Variants in CLDN16 observed in about 807,000 individuals in gnomAD.
CLDN16 encodes claudin-16.
CLDN16 carries 13 observed loss-of-function variants against 24.6 expected under a neutral mutation model. The ratio of observed to expected loss-of-function variants is 0.53; its 90% CI spans 0.34 to 0.84. CLDN16 has a LOEUF of 0.84. Among genes scored for constraint, CLDN16 ranks in the 40% least tolerant of loss-of-function variants. The pLI, the probability that CLDN16 is intolerant of heterozygous loss-of-function variation, is 0.01. For synonymous variants in CLDN16, 116 were observed against 106.7 expected, an observed-to-expected ratio of 1.09 and a Z score of -0.54; for missense variants, 298 against 292.7, an observed-to-expected ratio of 1.02 and a Z score of -0.13.
intron 1 of CLDN16, among the ~76,000 whole-genome samples, chr3:190,369,047 C>G (rs1718081263): frequency 6.6e-6 from 1 of 151,926 alleles, no homozygotes; most frequent in South Asian, 2.1e-4. Flanking sequence ...AGTCATAGAT[C>G]TTAACCTGAT....
chr3:190,301,826 T>A, the CLDN16 span, among the ~76,000 whole-genome samples: 1 of 152,194 alleles, frequency 6.6e-6, no homozygotes, highest in East Asian at 1.9e-4. Context: ...TATGAACTCA[T>A]TGCTTCCCTC....
At chr3:190,305,973 T>G in the CLDN16 span, 1 of 152,220 alleles carries the variant, frequency 6.6e-6, no homozygotes. Flanking sequence ...ATTTAAATTT[T>G]AACTTCCAAA....
intron 3 of CLDN16, among the ~76,000 whole-genome samples, chr3:190,406,809 T>A (rs1000469763): frequency 6.8e-6 from 1 of 147,816 alleles, no homozygotes; most frequent in African/African-American, 2.5e-5. Flanking sequence ...TGGCGTGATC[T>A]CGGCTCACTG....
chr3:190,336,509 A>G (rs1717309304), intron 1 of CLDN16, among the ~76,000 whole-genome samples: 1 of 152,232 alleles, frequency 6.6e-6, no homozygotes, highest in Non-Finnish European at 1.5e-5. Context: ...GAATACTACA[A>G]TGAATGATTT....
chr3:190,324,341 G>A (rs937902254), intron 1 of CLDN16, among the ~76,000 whole-genome samples: 1 of 151,998 alleles, frequency 6.6e-6, no homozygotes, highest in African/African-American at 2.4e-5. Context: ...AAATTAGCCG[G>A]GCATGGTGGT....
At chr3:190,314,359 A>G in the CLDN16 span, among the ~76,000 whole-genome samples, 4 of 152,160 alleles carry the variant, frequency 2.6e-5, no homozygotes, top group South Asian at 2.1e-4. Flanking sequence ...TGTCTTTGCT[A>G]TAACCAGGCA....
chr3:190,387,298 C>T (rs929787496), upstream of CLDN16, among the ~76,000 whole-genome samples: 3 of 151,996 alleles, frequency 2.0e-5, no homozygotes, highest in African/African-American at 4.8e-5. Context: ...ATTCCAGTTG[C>T]CCCAGTTACA....
chr3:190,361,374 G>A (rs1367780560), intron 1 of CLDN16, among the ~76,000 whole-genome samples: 5 of 151,970 alleles, frequency 3.3e-5, no homozygotes, highest in African/African-American at 1.2e-4. Flanking sequence ...CCTTTAACCT[G>A]TAAGCTGTTC....
chr3:190,365,047 C>A (rs1717990960), intron 1 of CLDN16, among the ~76,000 whole-genome samples: 1 of 151,754 alleles, frequency 6.6e-6, no homozygotes, highest in African/African-American at 2.4e-5. Flanking sequence ...CCTGTTTATC[C>A]ATCCTTAATT....
chr3:190,388,878 A>G (rs1057242420), intron 1 of CLDN16, among the ~76,000 whole-genome samples: 3 of 152,184 alleles, frequency 2.0e-5, no homozygotes, highest in Non-Finnish European at 4.4e-5. Flanking sequence ...TTAATAATCT[A>G]AAACGTTGAG....
chr3:190,394,961 T>C (rs1000586829), intron 1 of CLDN16, among the ~76,000 whole-genome samples: 48 of 152,138 alleles, frequency 3.2e-4, no homozygotes, highest in African/African-American at 1.1e-3. Flanking sequence ...TGTGGCTTTT[T>C]GCTTAGTGCT....
the CLDN16 span, among the ~76,000 whole-genome samples, chr3:190,291,076 C>T: frequency 0.36 from 54,401 of 151,826 alleles, 10,493 homozygotes; most frequent in East Asian, 0.62. Flanking sequence ...GAATGCTATG[C>T]GGAACCATAG....
chr3:190,313,945 T>C, the CLDN16 span, among the ~76,000 whole-genome samples: 1 of 152,186 alleles, frequency 6.6e-6, no homozygotes, highest in Non-Finnish European at 1.5e-5. Context: ...ACTGAAACTA[T>C]GCTGGTTAGA....
intron 1 of CLDN16, among the ~76,000 whole-genome samples, chr3:190,328,464 A>G (rs1717116453): frequency 6.6e-6 from 1 of 152,200 alleles, no homozygotes; most frequent in Non-Finnish European, 1.5e-5. Context: ...TGTGAGGAGT[A>G]AATAAAATTG....
At chr3:190,340,521 C>T (rs532262459) in intron 1 of CLDN16, among the ~76,000 whole-genome samples, 1 of 152,238 alleles carries the variant, frequency 6.6e-6, no homozygotes, top group Non-Finnish European at 1.5e-5. Context: ...AGACCTCCCA[C>T]CCATGATTCA....
At chr3:190,306,839 A>G in the CLDN16 span, 1 of 152,764 alleles carries the variant, frequency 6.5e-6, no homozygotes, top group Non-Finnish European at 1.5e-5. Flanking sequence ...ACATGAAGGT[A>G]TGTGCGTAGG....
chr3:190,355,437 T>A (rs1183855431), intron 1 of CLDN16, among the ~76,000 whole-genome samples: 1 of 151,946 alleles, frequency 6.6e-6, no homozygotes, highest in Non-Finnish European at 1.5e-5. Context: ...ACAAAAGCAA[T>A]GTTCTATCGA....
chr3:190,327,188 C>T (rs1005992609), intron 1 of CLDN16, among the ~76,000 whole-genome samples: 4 of 152,228 alleles, frequency 2.6e-5, no homozygotes, highest in Non-Finnish European at 5.9e-5. Flanking sequence ...GTTGACTTCA[C>T]AGTCTAGAGT....
chr3:190,384,185 A>G (rs1257537756), upstream of CLDN16, among the ~76,000 whole-genome samples: 3 of 149,690 alleles, frequency 2.0e-5, no homozygotes, highest in Admixed American at 1.3e-4. Context: ...GATTTTTCCA[A>G]TATGCACTGG....
Sources: gnomAD v4.1 joint callset for allele counts (sites outside exome capture counted in the v4.1 genomes callset) on GRCh38, gnomAD v4.1.1 for gene constraint, MANE v1.5 for transcripts, NCBI Gene and HGNC (gene_info 2026-07-23, HGNC 2026-07-21) for gene names.